The following TEX9 variants were observed in gnomAD, a reference collection of about 807,000 sequenced individuals.
The protein encoded by TEX9 is testis expressed 9, also known as testis-expressed protein 9.
Under a neutral mutation model 59.6 loss-of-function variants are expected in TEX9, and 74 were observed. That is an observed-to-expected ratio of 1.24 (90% CI 1.03 to 1.51). TEX9 has a LOEUF of 1.51. Among genes scored for constraint, TEX9 ranks in the 40% most tolerant of loss-of-function variants. TEX9 has a pLI of 0.00. For synonymous variants in TEX9, 186 were observed against 152.2 expected, an observed-to-expected ratio of 1.22 and a Z score of -1.64; for missense variants, 522 against 447.8, an observed-to-expected ratio of 1.17 and a Z score of -1.49.
chr15:56,406,421 C>G (rs1162021240), intron 9 of TEX9, among the ~76,000 whole-genome samples: 2 of 152,086 alleles, frequency 1.3e-5, no homozygotes, highest in East Asian at 3.8e-4. Flanking sequence ...TTTCCATGTA[C>G]AAGTATTCTG....
chr15:56,395,027 A>T (rs368806944), intron 9 of TEX9, 193 bp downstream of exon 9: 2 of 599,242 alleles, frequency 3.3e-6, no homozygotes, highest in Non-Finnish European at 5.7e-6. Context: ...ATGCAATTCA[A>T]TGGCTTTTGG....
exon 9 of TEX9, chr15:56,394,741 G>T: frequency 6.2e-7 from 1 of 1,611,970 alleles, no homozygotes; most frequent in Non-Finnish European, 8.5e-7. Context: ...CAATTAATAT[G>T]CAACAGTCTC....
At chr15:56,391,704 A>G (rs1293475139) in intron 7 of TEX9, among the ~76,000 whole-genome samples, 1 of 152,108 alleles carries the variant, frequency 6.6e-6, no homozygotes, top group African/African-American at 2.4e-5. Flanking sequence ...AAAAATAAAA[A>G]AGACTATATT....
At chr15:56,291,903 G>A (rs569144346) in intron 1 of TEX9, among the ~76,000 whole-genome samples, 5 of 152,202 alleles carry the variant, frequency 3.3e-5, no homozygotes, top group Non-Finnish European at 7.3e-5. Flanking sequence ...AAGGAGATGA[G>A]GCAATTGGCA....
At chr15:56,413,255 TTTAA>T (rs1392382816) in intron 10 of TEX9, among the ~76,000 whole-genome samples, 4 of 115,334 alleles carry the variant, frequency 3.5e-5, no homozygotes, top group Non-Finnish European at 5.3e-5. Flanking sequence ...ATTTAATTTA[TTTAA>T]TTAAATAATT....
At chr15:56,444,973 CTA>C (rs1215894869) in intron 12 of TEX9, among the ~76,000 whole-genome samples, 1 of 152,032 alleles carries the variant, frequency 6.6e-6, no homozygotes, top group Non-Finnish European at 1.5e-5. Flanking sequence ...TTCTTAATAA[CTA>C]TTTAGCTGCT....
downstream of TEX9, among the ~76,000 whole-genome samples, chr15:56,449,740 TATAGGAACATTTAGCTATTTCTTCTTG>T (rs1482040412): frequency 1.3e-5 from 2 of 152,234 alleles, no homozygotes; most frequent in African/African-American, 4.8e-5. Flanking sequence ...CTTTAAAAGT[TATAGGAACATTTAGCTATTTCTTCTTG>T]TGCCAATCAG....
chr15:56,260,437 A>G (rs1274509863), intron 1 of TEX9, among the ~76,000 whole-genome samples: 3 of 152,092 alleles, frequency 2.0e-5, no homozygotes, highest in Non-Finnish European at 4.4e-5. Flanking sequence ...ATTATGAACT[A>G]GTGGTTAATT....
chr15:56,425,466 AT>A (rs1192279039), intron 10 of TEX9, among the ~76,000 whole-genome samples: 2 of 152,068 alleles, frequency 1.3e-5, no homozygotes, highest in Non-Finnish European at 2.9e-5. Flanking sequence ...AAGCTCACTC[AT>A]TCTTTCTTAT....
intron 12 of TEX9, chr15:56,431,543 T>A (rs2050596309): frequency 1.2e-6 from 2 of 1,600,178 alleles, no homozygotes; most frequent in South Asian, 1.1e-5. Flanking sequence ...TACATTAATC[T>A]TATACGAAGT....
In TEX9 at chr15:56,280,647, C is replaced by A. The variant is rs558047620; in HGVS notation, c.-107+36369C>A. On this transcript the variant is annotated intron_variant, in intron 1 of 5. Transcript: ENST00000560827. ...CATCCATAAGAAAAAAGGAAAAGAA[C>A]GTAACTGTAATAATGTTTTTAATCT... Among the ~76,000 whole-genome samples the A allele has an allele frequency of 1.1e-3, 165 of 152,212 alleles. 1 individual carries two copies. Among genetic ancestry groups the A allele is most frequent in the African/African-American group, 3.6e-3 (151 of 41,528 alleles).
At chr15:56,443,692 ATCT>A (rs772432216) in intron 12 of TEX9, 38 of 1,613,104 alleles carry the variant, frequency 2.4e-5, no homozygotes, top group East Asian at 1.6e-4. Context: ...TTGCCATCCG[ATCT>A]TCTTCTCTTT....
intron 12 of TEX9, among the ~76,000 whole-genome samples, chr15:56,436,472 T>C (rs2050726775): frequency 6.6e-6 from 1 of 152,090 alleles, no homozygotes; most frequent in Non-Finnish European, 1.5e-5. Context: ...TAGAGGGAAA[T>C]TTATAGCACT....
chr15:56,434,368 G>C, intron 12 of TEX9: 1 of 1,612,106 alleles, frequency 6.2e-7, no homozygotes, highest in Non-Finnish European at 8.5e-7. Context: ...ATCTCTTTTT[G>C]CTTTCTCAAT....
At position 56,428,351 on chromosome 15, in the gene TEX9, A is replaced by AT. The variant is rs763197031; in HGVS notation, c.1099-6dup. 1,948 of 1,456,874 alleles carry AT rather than the reference A, an allele frequency of 1.3e-3. 1 individual carries two copies. Among genetic ancestry groups the AT allele is most frequent in the South Asian group, 2.3e-3 (190 of 81,504 alleles). 90.2% of individuals were successfully genotyped at this position (1,456,874 alleles called of 1,614,324 possible). A position where few individuals can be genotyped will look rare whatever the true frequency, so the allele number is the denominator to read the frequency against. On this transcript the variant is annotated splice_polypyrimidine_tract_variant and intron_variant, in intron 11 of 12. Transcript: ENST00000352903. Reference sequence around the variant, plus strand: ...CTTAATACTAAATCAGACAATATTGATTTTTTTTTTAACAGATGCATATTG... The same window carrying AT: ...CTTAATACTAAATCAGACAATATTGATTTTTTTTTTTAACAGATGCATATTG...
At chr15:56,457,456 T>A in the TEX9 span, among the ~76,000 whole-genome samples, 1 of 152,176 alleles carries the variant, frequency 6.6e-6, no homozygotes, top group Admixed American at 6.5e-5. Flanking sequence ...CAAGAAACTA[T>A]CACTCATATA....
At chr15:56,434,600 CTCAT>C (rs2050687449) in intron 12 of TEX9, among the ~76,000 whole-genome samples, 1 of 152,174 alleles carries the variant, frequency 6.6e-6, no homozygotes, top group South Asian at 2.1e-4. Flanking sequence ...TTTTCTGTTA[CTCAT>C]GAACAAATTT....
In TEX9 at chr15:56,404,645, A is replaced by AG. The variant is rs1482138784; in HGVS notation, c.829-7656dup. On this transcript the variant is annotated intron_variant, in intron 9 of 12. Transcript: ENST00000352903. ...ATCCCATTACTGAGTATATACCCAA[A>AG]GATTATAAATCATGCTACTATAAAG... is the stretch of plus-strand genomic sequence containing the variant. Among the ~76,000 whole-genome samples the AG allele has an allele frequency of 7.2e-5, 11 of 152,282 alleles. No homozygotes were observed. The East Asian group carries it at 2.1e-3, about 29-fold the overall frequency.
chr15:56,424,628 C>T (rs1272294966), intron 10 of TEX9, among the ~76,000 whole-genome samples: 2 of 152,126 alleles, frequency 1.3e-5, no homozygotes, highest in African/African-American at 4.8e-5. Flanking sequence ...TATATAAAGA[C>T]TCTACTCCTT....
Sources: gnomAD v4.1 joint callset for allele counts (sites outside exome capture counted in the v4.1 genomes callset) on GRCh38, gnomAD v4.1.1 for gene constraint, MANE v1.5 for transcripts, NCBI Gene and HGNC (gene_info 2026-07-23, HGNC 2026-07-21) for gene names.